ZFAT: variants seen among roughly 807,000 people sequenced by gnomAD.
The protein encoded by ZFAT is zinc finger protein ZFAT.
In ZFAT, 64 loss-of-function variants were observed where a neutral mutation model predicts 117.7. That is an observed-to-expected ratio of 0.54 (90% CI 0.44 to 0.67). ZFAT has a LOEUF of 0.67. Among genes scored for constraint, ZFAT ranks in the 30% least tolerant of loss-of-function variants. The probability of loss-of-function intolerance (pLI) is 0.00; values close to 1 mark genes in which losing one functional copy is unlikely to be tolerated. For synonymous variants in ZFAT, 679 were observed against 615.0 expected, an observed-to-expected ratio of 1.10 and a Z score of -1.54; for missense variants, 1,433 against 1,584.5, an observed-to-expected ratio of 0.90 and a Z score of 1.62.
chr8:134,829,348 C>T, the ZFAT span, among the ~76,000 whole-genome samples: 16 of 152,278 alleles, frequency 1.1e-4, no homozygotes, highest in African/African-American at 3.6e-4. Flanking sequence ...CCCGGGGAGG[C>T]CAAAAGATTG....
intron 15 of ZFAT, among the ~76,000 whole-genome samples, chr8:134,499,854 C>CACCGGAG (rs1341092188): frequency 6.6e-6 from 1 of 152,184 alleles, no homozygotes; most frequent in Non-Finnish European, 1.5e-5. Context: ...ACAGGGCAGA[C>CACCGGAG]GTCCGGTGGG....
At chr8:134,629,186 G>A (rs1829719166) in intron 3 of ZFAT, among the ~76,000 whole-genome samples, 1 of 152,210 alleles carries the variant, frequency 6.6e-6, no homozygotes, top group Non-Finnish European at 1.5e-5. Context: ...GGGCCAGTCA[G>A]CAGGATGAAA....
chr8:134,577,519 T>C (rs1825393465), intron 10 of ZFAT, among the ~76,000 whole-genome samples: 1 of 152,202 alleles, frequency 6.6e-6, no homozygotes, highest in African/African-American at 2.4e-5. Context: ...TAAGATGAAA[T>C]GGAGAAAATC....
the ZFAT span, among the ~76,000 whole-genome samples, chr8:134,720,202 C>G: frequency 6.6e-6 from 1 of 152,256 alleles, no homozygotes; most frequent in Non-Finnish European, 1.5e-5. Flanking sequence ...CATGGGTGAC[C>G]TCGGCAACCC....
chr8:134,520,339 C>T (rs1375482233), intron 13 of ZFAT, among the ~76,000 whole-genome samples: 1 of 152,072 alleles, frequency 6.6e-6, no homozygotes, highest in Non-Finnish European at 1.5e-5. Context: ...TAGATAACTG[C>T]AATTAGTCCG....
chr8:134,785,480 A>T, the ZFAT span: 1 of 152,124 alleles, frequency 6.6e-6, no homozygotes. Flanking sequence ...TAAAATATTT[A>T]AAATGGTATT....
chr8:134,522,411 G>A (rs1209851980), intron 12 of ZFAT, among the ~76,000 whole-genome samples: 2 of 152,226 alleles, frequency 1.3e-5, no homozygotes, highest in Non-Finnish European at 2.9e-5. Flanking sequence ...CACCACCCAT[G>A]GGGCTAAATC....
rs146638821 is a variant in ZFAT, at chr8:134,676,255, CAAAAAAAA to C, written c.20-18526_20-18519del. ...GAAGATCTACCAAGCAAATGGAAAG[CAAAAAAAA>C]AAAAAAAAAAAAAAATCCCAGGGGT... On this transcript the variant is annotated intron_variant, in intron 1 of 15. Coordinates refer to ENST00000377838, the MANE Select transcript of ZFAT (RefSeq NM_020863.4). Among the ~76,000 whole-genome samples, 34 of 80,602 alleles carry C rather than the reference CAAAAAAAA, an allele frequency of 4.2e-4. 1 individual carries two copies. Among genetic ancestry groups the C allele is most frequent in the African/African-American group, 1.5e-3 (31 of 20,008 alleles). 52.9% of individuals were successfully genotyped at this position (80,602 alleles called of 152,430 possible). A position where few individuals can be genotyped will look rare whatever the true frequency, so the allele number is the denominator to read the frequency against.
chr8:134,561,883 G>T (rs721001), intron 11 of ZFAT, among the ~76,000 whole-genome samples: 3 of 151,954 alleles, frequency 2.0e-5, no homozygotes, highest in Admixed American at 6.5e-5. Flanking sequence ...GAAGAAAAGT[G>T]GGGGGGTATG....
chr8:134,748,638 G>A, the ZFAT span, among the ~76,000 whole-genome samples: 5 of 152,134 alleles, frequency 3.3e-5, no homozygotes, highest in Admixed American at 2.0e-4. Flanking sequence ...TATACAACGC[G>A]ACACTGTTCT....
At chr8:134,508,625 C>T (rs1302450480) in intron 15 of ZFAT, among the ~76,000 whole-genome samples, 1 of 152,214 alleles carries the variant, frequency 6.6e-6, no homozygotes, top group African/African-American at 2.4e-5. Context: ...CTTTACTTTT[C>T]TCCTGGCACT....
intron 15 of ZFAT, among the ~76,000 whole-genome samples, chr8:134,496,870 CTTCCT>C (rs2130204972): frequency 6.6e-6 from 1 of 152,346 alleles, no homozygotes; most frequent in South Asian, 2.1e-4. Context: ...AAAATATTCC[CTTCCT>C]AATTGCCCCC....
the ZFAT span, among the ~76,000 whole-genome samples, chr8:134,727,993 C>T: frequency 1.3e-5 from 2 of 152,114 alleles, no homozygotes; most frequent in Non-Finnish European, 2.9e-5. Context: ...TTTGGGTGCT[C>T]CTGTCTCCTG....
At chr8:134,704,845 C>T (rs1165882829) in intron 1 of ZFAT, among the ~76,000 whole-genome samples, 7 of 151,766 alleles carry the variant, frequency 4.6e-5, no homozygotes, top group Admixed American at 4.6e-4. Context: ...CATACACAAA[C>T]TTATTAGAGA....
intron 1 of ZFAT, among the ~76,000 whole-genome samples, chr8:134,659,606 T>C (rs919516177): frequency 1.3e-5 from 2 of 152,208 alleles, no homozygotes; most frequent in Non-Finnish European, 2.9e-5. Flanking sequence ...TCTCTGATGA[T>C]TGTTCTCCAG....
In ZFAT at chr8:134,534,667, AAGAGAGAGGAGG is replaced by A. The variant is rs371213941; in HGVS notation, c.2977-1707_2977-1696del. On this transcript the variant is annotated intron_variant, in intron 11 of 15. Transcript: ENST00000377838. Reference sequence around the variant, plus strand: ...GGAGAGAGGGAGAAAGGGAGACAAGAAGAGAGAGGAGGAGAGAGAGGGGAGACAAGGAAAGAG... The same window carrying A: ...GGAGAGAGGGAGAAAGGGAGACAAGAAGAGAGAGGGGAGACAAGGAAAGAG... Among the ~76,000 whole-genome samples the A allele has an allele frequency of 1.5e-4, 22 of 143,406 alleles. No homozygotes were observed. In the East Asian group the frequency reaches 4.7e-3, roughly 31 times the overall value. The allele number at this position is 143,406 out of a possible 152,430, so 94.1% of individuals were successfully genotyped here. A position where few individuals can be genotyped will look rare whatever the true frequency, so the allele number is the denominator to read the frequency against.
At chr8:134,540,047 C>T (rs1822136617) in intron 11 of ZFAT, among the ~76,000 whole-genome samples, 1 of 152,174 alleles carries the variant, frequency 6.6e-6, no homozygotes, top group South Asian at 2.1e-4. Context: ...TCATAAAACC[C>T]CATAGGTCTC....
chr8:134,588,145 G>T, intron 9 of ZFAT, 101 bp downstream of exon 9: 3 of 1,335,102 alleles, frequency 2.2e-6, no homozygotes, highest in Non-Finnish European at 3.0e-6. Flanking sequence ...AATTCTAACA[G>T]CAGGGATGTG....
chr8:134,546,622 G>A (rs1256478584), intron 11 of ZFAT, among the ~76,000 whole-genome samples: 1 of 152,124 alleles, frequency 6.6e-6, no homozygotes, highest in African/African-American at 2.4e-5. Flanking sequence ...TATTTCTGGG[G>A]GAAAAAGACA....
Sources: gnomAD v4.1 joint callset for allele counts (sites outside exome capture counted in the v4.1 genomes callset) on GRCh38, gnomAD v4.1.1 for gene constraint, MANE v1.5 for transcripts, NCBI Gene and HGNC (gene_info 2026-07-23, HGNC 2026-07-21) for gene names.